LPP: variants seen among roughly 807,000 people sequenced by gnomAD.
LPP encodes LIM domain containing preferred translocation partner in lipoma, also known as lipoma-preferred partner.
LPP carries 38 observed loss-of-function variants against 60.4 expected under a neutral mutation model. The observed-to-expected ratio is 0.63, with a 90% CI of 0.49 to 0.83. LPP has a LOEUF of 0.83. Ranked by LOEUF, LPP falls within the 40% of genes least tolerant of loss-of-function variation. The pLI is 0.00. For missense variants in LPP, 902 were observed against 783.6 expected (o/e 1.15, Z -1.80); for synonymous variants, 328 against 290.8 (o/e 1.13, Z -1.30).
intron 7 of LPP, among the ~76,000 whole-genome samples, chr3:188,616,848 A>G (rs911630360): frequency 2.0e-5 from 3 of 152,286 alleles, no homozygotes; most frequent in African/African-American, 4.8e-5. Context: ...ATTGGATGCT[A>G]TTGTAAATGG....
chr3:188,707,453 A>G (rs1865711027), intron 7 of LPP, among the ~76,000 whole-genome samples: 1 of 152,162 alleles, frequency 6.6e-6, no homozygotes, highest in Non-Finnish European at 1.5e-5. Context: ...TTTGCTCTGT[A>G]TGTCTTCACA....
intron 2 of LPP, among the ~76,000 whole-genome samples, chr3:188,284,261 T>C (rs1353406137): frequency 2.0e-5 from 3 of 151,938 alleles, no homozygotes; most frequent in Admixed American, 2.0e-4. Context: ...GAGGAGCTCT[T>C]ACAGAGCTGG....
chr3:188,466,418 A>G (rs1179890855), intron 4 of LPP, among the ~76,000 whole-genome samples: 2 of 152,048 alleles, frequency 1.3e-5, no homozygotes, highest in Non-Finnish European at 2.9e-5. Context: ...ATTTTGAGTC[A>G]TAGAATCATA....
At chr3:188,737,440 G>C (rs954634597) in intron 8 of LPP, among the ~76,000 whole-genome samples, 2 of 152,210 alleles carry the variant, frequency 1.3e-5, no homozygotes, top group African/African-American at 4.8e-5. Flanking sequence ...AGACAGGTTA[G>C]TAGCCCAGAT....
chr3:188,493,699 C>G (rs942471144), intron 5 of LPP, among the ~76,000 whole-genome samples: 2 of 152,070 alleles, frequency 1.3e-5, no homozygotes, highest in Non-Finnish European at 2.9e-5. Context: ...TGTCCTGATG[C>G]CTCTCAAAGT....
intron 6 of LPP, among the ~76,000 whole-genome samples, chr3:188,555,068 G>T (rs565138936): frequency 2.6e-5 from 4 of 152,094 alleles, no homozygotes; most frequent in Non-Finnish European, 5.9e-5. Flanking sequence ...TTTGAGGAGA[G>T]ATCTCAAGGA....
At chr3:188,403,305 A>G (rs1782676983) in intron 3 of LPP, among the ~76,000 whole-genome samples, 1 of 152,244 alleles carries the variant, frequency 6.6e-6, no homozygotes. Flanking sequence ...AAGATGATAC[A>G]GTCAGTCAGT....
chr3:188,672,546 G>T (rs1857154541), intron 7 of LPP, among the ~76,000 whole-genome samples: 2 of 152,308 alleles, frequency 1.3e-5, no homozygotes, highest in East Asian at 1.9e-4. Context: ...GTTGATGGAG[G>T]GGGTGGTGGG....
chr3:188,206,228 G>T (rs1158516934), intron 1 of LPP, among the ~76,000 whole-genome samples: 2 of 152,100 alleles, frequency 1.3e-5, no homozygotes, highest in Non-Finnish European at 2.9e-5. Context: ...TCCCTGTGAA[G>T]ATCTTGGCTC....
chr3:188,815,634 C>T (rs997195191), intron 9 of LPP, among the ~76,000 whole-genome samples: 2 of 151,808 alleles, frequency 1.3e-5, no homozygotes, highest in East Asian at 3.9e-4. Flanking sequence ...AAAATGTTTT[C>T]CTGCTTGTAT....
intron 7 of LPP, among the ~76,000 whole-genome samples, chr3:188,706,323 A>T (rs1376707849): frequency 6.6e-6 from 1 of 152,016 alleles, no homozygotes; most frequent in Non-Finnish European, 1.5e-5. Context: ...AAGCAACTCA[A>T]TTTTTTTTGT....
intron 3 of LPP, among the ~76,000 whole-genome samples, chr3:188,365,876 C>T (rs1771008705): frequency 6.6e-6 from 1 of 152,158 alleles, no homozygotes; most frequent in Admixed American, 6.5e-5. Context: ...TAGGCATCAC[C>T]TCACAGTTAC....
chr3:188,536,303 C>T (rs1823604448), intron 6 of LPP, among the ~76,000 whole-genome samples: 1 of 142,568 alleles, frequency 7.0e-6, no homozygotes, highest in Non-Finnish European at 1.5e-5. Context: ...GCCACTGCAC[C>T]CGGCCATATT....
Position 188,878,974 on chromosome 3 carries a change from C to T in LPP, c.*4495C>T. ...TTTAGTCAGATAATGAGGACAGAGA[C>T]TTCAACTTGATTCTTTACCACCATT... On this transcript the variant is annotated 3_prime_UTR_variant, in exon 12 of 12. Coordinates refer to ENST00000617246, the MANE Select transcript of LPP (RefSeq NM_001375462.1). 4.4e-6 allele frequency: 1 copy of T among 227,938 alleles called. No individual in the cohort carries two copies. 14.1% of individuals were successfully genotyped at this position (227,938 alleles called of 1,614,324 possible).
chr3:188,841,576 G>A (rs1760031844), intron 9 of LPP, among the ~76,000 whole-genome samples: 1 of 151,966 alleles, frequency 6.6e-6, no homozygotes, highest in African/African-American at 2.4e-5. Context: ...ATTTTCAGTA[G>A]AGATGGGGTT....
In LPP at chr3:188,368,713, CACACACAGAGAG is replaced by C. The variant is rs1213008710; in HGVS notation, c.-10+26996_-10+27007del. On this transcript the variant is annotated intron_variant, in intron 3 of 11. Transcript: ENST00000617246. ...ACACACACACACACACACACACACACACACACAGAGAGAGAGAGAGAGAGAGAGAGAGAGAAC... is the reference window on the plus strand; with the variant it reads ...ACACACACACACACACACACACACACAGAGAGAGAGAGAGAGAGAGAGAAC... Among the ~76,000 whole-genome samples the C allele has an allele frequency of 4.0e-3, 470 of 117,586 alleles. 3 individuals carry two copies. The highest frequency in any genetic ancestry group is 0.028 in the South Asian group (90 of 3,240). 77.1% of individuals were successfully genotyped at this position (117,586 alleles called of 152,430 possible). A position where few individuals can be genotyped will look rare whatever the true frequency, so the allele number is the denominator to read the frequency against.
intron 5 of LPP, among the ~76,000 whole-genome samples, chr3:188,488,395 CAG>C (rs146046983): frequency 0.35 from 53,866 of 151,770 alleles, 11,388 homozygotes; most frequent in Middle Eastern, 0.57. Context: ...ACTTGGAAAA[CAG>C]GGGAAGGATT....
intron 7 of LPP, among the ~76,000 whole-genome samples, chr3:188,616,630 G>C (rs1456738035): frequency 1.3e-5 from 2 of 151,702 alleles, no homozygotes; most frequent in African/African-American, 4.8e-5. Context: ...TCAGTTTGTT[G>C]TTGTCCACAA....
intron 7 of LPP, among the ~76,000 whole-genome samples, chr3:188,679,505 A>C (rs1858923692): frequency 6.8e-6 from 1 of 147,878 alleles, no homozygotes; most frequent in South Asian, 2.2e-4. Context: ...TAGTTTGCCA[A>C]AACTTTGAAT....
Sources: allele counts gnomAD v4.1 joint callset (sites outside exome capture counted in the v4.1 genomes callset), GRCh38; gene constraint gnomAD v4.1.1; transcripts MANE v1.5; gene names NCBI Gene and HGNC (gene_info 2026-07-23, HGNC 2026-07-21).